FKBP1A: variants seen among roughly 807,000 people sequenced by gnomAD.
FKBP1A encodes peptidyl-prolyl cis-trans isomerase FKBP1A.
In FKBP1A, 5 loss-of-function variants were observed where a neutral mutation model predicts 14.2. The observed-to-expected ratio is 0.35, with a 90% CI of 0.18 to 0.74. The LOEUF is 0.74. Ranked by LOEUF, FKBP1A falls within the 30% of genes least tolerant of loss-of-function variation. FKBP1A has a pLI of 0.56. For missense variants in FKBP1A, 53 were observed against 138.8 expected (o/e 0.38, Z 3.10); for synonymous variants, 42 against 49.1 (o/e 0.86, Z 0.60).
Position 1,369,515 on chromosome 20 carries a change from A to G in FKBP1A, c.*594T>C, listed in dbSNP as rs2089432950. On this transcript the variant is annotated 3_prime_UTR_variant, in exon 5 of 5. Coordinates refer to ENST00000400137, the MANE Select transcript of FKBP1A (RefSeq NM_000801.5). ...GGGTTTAAGGGGAGGGTGGGTGGGA[A>G]TGGTGGAGGCAAAGGCTCTCCCCAT... is the stretch of plus-strand genomic sequence containing the variant. 1.2e-5 allele frequency: 2 copies of G among 167,060 alleles called. No individual in the cohort carries two copies. Among genetic ancestry groups the G allele is most frequent in the African/African-American group, 4.8e-5 (2 of 41,320 alleles). 10.3% of individuals were successfully genotyped at this position (167,060 alleles called of 1,614,324 possible). A position where few individuals can be genotyped will look rare whatever the true frequency, so the allele number is the denominator to read the frequency against.
intron 4 of FKBP1A, among the ~76,000 whole-genome samples, chr20:1,371,301 A>G (rs892433029): frequency 6.6e-6 from 1 of 152,172 alleles, no homozygotes; most frequent in African/African-American, 2.4e-5. Context: ...GGAAGAGGGG[A>G]AAATCAACAA....
intron 3 of FKBP1A, among the ~76,000 whole-genome samples, chr20:1,373,776 G>A (rs1267355487): frequency 6.6e-6 from 1 of 152,228 alleles, no homozygotes; most frequent in East Asian, 1.9e-4. Context: ...CAGAAGATGG[G>A]TTGTGGTATG....
chr20:1,390,297 G>A (rs905562241), intron 2 of FKBP1A, among the ~76,000 whole-genome samples: 2 of 137,464 alleles, frequency 1.5e-5, no homozygotes, highest in African/African-American at 5.4e-5. Flanking sequence ...CAGAATCACA[G>A]CCAAGAAATC....
intron 2 of FKBP1A, among the ~76,000 whole-genome samples, chr20:1,376,382 T>C (rs1398842786): frequency 6.6e-6 from 1 of 152,228 alleles, no homozygotes; most frequent in Non-Finnish European, 1.5e-5. Flanking sequence ...GCAGCATTCA[T>C]CCCACTTATT....
chr20:1,370,867 G>A, intron 4 of FKBP1A: 1 of 985,416 alleles, frequency 1.0e-6, no homozygotes, highest in Non-Finnish European at 1.2e-6. Context: ...TGGCCTAGGT[G>A]CAGACCTCTG....
intron 2 of FKBP1A, among the ~76,000 whole-genome samples, chr20:1,385,343 T>A (rs553234847): frequency 1.3e-5 from 2 of 152,104 alleles, no homozygotes. Context: ...TGAGCCGAGA[T>A]TGCACCAGGG....
chr20:1,375,657 C>T, intron 2 of FKBP1A, 54 bp from the exon 3 acceptor site: 3 of 1,247,588 alleles, frequency 2.4e-6, no homozygotes, highest in Admixed American at 3.4e-5. Flanking sequence ...CAAGACAAGT[C>T]AGAAACCAGC....
chr20:1,370,418 T>TA lies in FKBP1A; in HGVS notation c.*37-347dup, dbSNP rs976422508. On this transcript the variant is annotated intron_variant, in intron 4 of 4. Transcript: ENST00000400137. ...ACATATAGGCATCACCTGGGGGCTT[T>TA]AAAAAACTCTTAATGCCTGGGTTCC... The TA allele has an allele frequency of 1.7e-5, 17 of 978,994 alleles. No homozygotes were observed. The African/African-American group carries it at 2.8e-4, about 16-fold the overall frequency. 60.6% of individuals were successfully genotyped at this position (978,994 alleles called of 1,614,324 possible). A position where few individuals can be genotyped will look rare whatever the true frequency, so the allele number is the denominator to read the frequency against.
chr20:1,391,079 A>G (rs1331351920), intron 2 of FKBP1A, among the ~76,000 whole-genome samples: 2 of 152,186 alleles, frequency 1.3e-5, no homozygotes. Context: ...CACTGCCTAC[A>G]TGCTGGGGTC....
intron 2 of FKBP1A, among the ~76,000 whole-genome samples, chr20:1,376,277 G>A (rs1957360684): frequency 6.6e-6 from 1 of 152,220 alleles, no homozygotes; most frequent in African/African-American, 2.4e-5. Context: ...GCGTAAAGCT[G>A]GCCCCTTGTA....
chr20:1,388,586 C>G lies in FKBP1A; in HGVS notation c.85+4248G>C, dbSNP rs554835209. ...TGGCAGGGTCAAGATCAGAACACAGCGAAGAACCCACATGCTCTTTGGGGA... is the reference window on the plus strand; with the variant it reads ...TGGCAGGGTCAAGATCAGAACACAGGGAAGAACCCACATGCTCTTTGGGGA... On this transcript the variant is annotated intron_variant, in intron 2 of 4. Transcript: ENST00000400137. 2.6e-5 allele frequency among the ~76,000 whole-genome samples: 4 copies of G among 152,306 alleles called. No homozygotes were observed. In the South Asian group the frequency reaches 6.2e-4, roughly 24 times the overall value.
At chr20:1,388,001 A>ACAC (rs10696091) in intron 2 of FKBP1A, among the ~76,000 whole-genome samples, 28,095 of 152,124 alleles carry the variant, frequency 0.18, 2,910 homozygotes, top group African/African-American at 0.26. Context: ...GATGGTGTAA[A>ACAC]CACCACTAGG....
intron 2 of FKBP1A, 21 bp downstream of exon 2, chr20:1,392,813 C>T (rs2089757026): frequency 6.7e-7 from 1 of 1,484,408 alleles, no homozygotes; most frequent in South Asian, 1.3e-5. Flanking sequence ...GGGCCCCCTC[C>T]CCGCTGGGCC....
chr20:1,387,707 G>A (rs988738022), intron 2 of FKBP1A, among the ~76,000 whole-genome samples: 8 of 151,994 alleles, frequency 5.3e-5, no homozygotes, highest in Admixed American at 2.0e-4. Context: ...TAGGACAGGT[G>A]GCATGCACCT....
rs2089469489 is a variant in FKBP1A, at chr20:1,371,872, A to G, written c.*36+204T>C. 1.1e-5 allele frequency: 14 copies of G among 1,292,254 alleles called. No homozygotes were observed. In the East Asian group the frequency reaches 4.4e-4, roughly 40 times the overall value. 80.0% of individuals were successfully genotyped at this position (1,292,254 alleles called of 1,614,324 possible). On this transcript the variant is annotated intron_variant, in intron 4 of 4. Coordinates refer to ENST00000400137, the MANE Select transcript of FKBP1A (RefSeq NM_000801.5). ...CATGAGTTGAACTGGGAACATACAC[A>G]TGCCAATTCCTTTCCTTAGGGTGAC...
At position 1,369,674 on chromosome 20, in the gene FKBP1A, AATAG is replaced by A. The variant is rs1056580937; in HGVS notation, c.*431_*434del. 9 of 189,256 alleles carry A rather than the reference AATAG, an allele frequency of 4.8e-5. No individual in the cohort carries two copies. 11.7% of individuals were successfully genotyped at this position (189,256 alleles called of 1,614,324 possible). On this transcript the variant is annotated 3_prime_UTR_variant, in exon 5 of 5. Coordinates refer to ENST00000400137, the MANE Select transcript of FKBP1A (RefSeq NM_000801.5). ...GCAGCAGCAAGAATGTTTAATATAT[AATAG>A]ATAAAAATTTCATCCAAAAAATTAA...
chr20:1,370,437 G>A (rs931648225), intron 4 of FKBP1A: 3 of 970,354 alleles, frequency 3.1e-6, no homozygotes, highest in African/African-American at 3.5e-5. Flanking sequence ...CTTAATGCCT[G>A]GGTTCCACTC....
At chr20:1,384,619 T>C (rs1286723382) in intron 2 of FKBP1A, among the ~76,000 whole-genome samples, 1 of 152,210 alleles carries the variant, frequency 6.6e-6, no homozygotes, top group African/African-American at 2.4e-5. Flanking sequence ...TCAATCATGA[T>C]GGGTAAAAAG....
At chr20:1,387,675 T>A (rs1032566486) in intron 2 of FKBP1A, among the ~76,000 whole-genome samples, 1 of 151,898 alleles carries the variant, frequency 6.6e-6, no homozygotes, top group East Asian at 1.9e-4. Context: ...GCGAAACCCG[T>A]CTCTACAAAA....
Sources: gnomAD v4.1 joint callset for allele counts (sites outside exome capture counted in the v4.1 genomes callset) on GRCh38, gnomAD v4.1.1 for gene constraint, MANE v1.5 for transcripts, NCBI Gene and HGNC (gene_info 2026-07-23, HGNC 2026-07-21) for gene names.